Variants in FHIT observed in about 807,000 individuals in gnomAD.
FHIT encodes the protein fragile histidine triad diadenosine triphosphatase.
Under a neutral mutation model 17.9 loss-of-function variants are expected in FHIT, and 19 were observed. That is an observed-to-expected ratio of 1.06 (90% CI 0.74 to 1.56). The LOEUF (loss-of-function observed/expected upper bound fraction) is 1.56. Ranked by LOEUF, FHIT falls within the 40% of genes most tolerant of loss-of-function variation. The pLI is 0.00. For synonymous variants in FHIT, 81 were observed against 69.7 expected, an observed-to-expected ratio of 1.16 and a Z score of -0.81; for missense variants, 248 against 189.2, an observed-to-expected ratio of 1.31 and a Z score of -1.82.
chr3:60,306,151 G>A (rs971370607), intron 5 of FHIT, among the ~76,000 whole-genome samples: 1 of 152,076 alleles, frequency 6.6e-6, no homozygotes, highest in African/African-American at 2.4e-5. Context: ...TGTTGTGAAG[G>A]AAAACAAATA....
At chr3:60,028,990 T>C (rs1456417831) in intron 5 of FHIT, among the ~76,000 whole-genome samples, 1 of 152,176 alleles carries the variant, frequency 6.6e-6, no homozygotes, top group Non-Finnish European at 1.5e-5. Context: ...GTACTGTTAG[T>C]TGCAGGATAA....
chr3:59,969,242 T>C (rs2107376229), intron 7 of FHIT, among the ~76,000 whole-genome samples: 1 of 152,312 alleles, frequency 6.6e-6, no homozygotes, highest in East Asian at 1.9e-4. Context: ...TTCTTTCCTA[T>C]GGCAATCTCC....
chr3:59,946,111 TTGGGCAGTG>T (rs1432083133), intron 7 of FHIT, among the ~76,000 whole-genome samples: 6 of 152,234 alleles, frequency 3.9e-5, no homozygotes, highest in Non-Finnish European at 8.8e-5. Flanking sequence ...ATAAATTGCT[TTGGGCAGTG>T]TGGCCATTTT....
intron 5 of FHIT, among the ~76,000 whole-genome samples, chr3:60,407,094 T>G (rs1256907826): frequency 7.3e-6 from 1 of 136,788 alleles, no homozygotes; most frequent in Non-Finnish European, 1.6e-5. Flanking sequence ...TTTTTTTTTT[T>G]GCTTAAGCTA....
intron 3 of FHIT, among the ~76,000 whole-genome samples, chr3:60,837,121 T>G (rs1279860260): frequency 5.9e-5 from 9 of 152,132 alleles, no homozygotes; most frequent in African/African-American, 2.2e-4. Context: ...TGTCTCAAGA[T>G]TAGCCCCTGG....
At chr3:60,061,541 T>G (rs377003001) in intron 5 of FHIT, among the ~76,000 whole-genome samples, 1 of 152,234 alleles carries the variant, frequency 6.6e-6, no homozygotes, top group Non-Finnish European at 1.5e-5. Context: ...TTCGATTCCC[T>G]GTTTTGTCAG....
chr3:59,995,716 C>T (rs1348824570), intron 7 of FHIT, among the ~76,000 whole-genome samples: 1 of 152,072 alleles, frequency 6.6e-6, no homozygotes, highest in Admixed American at 6.6e-5. Context: ...CCACCCTAAA[C>T]CACACATACC....
intron 1 of FHIT, among the ~76,000 whole-genome samples, chr3:61,213,489 C>G (rs1412770992): frequency 6.6e-6 from 1 of 152,182 alleles, no homozygotes; most frequent in South Asian, 2.1e-4. Flanking sequence ...AATACAGGAG[C>G]ACCCAGATTC....
intron 8 of FHIT, among the ~76,000 whole-genome samples, chr3:59,904,998 G>C (rs73102585): frequency 0.051 from 7,832 of 152,312 alleles, 236 homozygotes; most frequent in South Asian, 0.082. Flanking sequence ...AATCAGAGGA[G>C]AGCTTACCAA....
intron 2 of FHIT, among the ~76,000 whole-genome samples, chr3:61,157,682 T>G (rs2037571352): frequency 6.6e-6 from 1 of 152,222 alleles, no homozygotes; most frequent in African/African-American, 2.4e-5. Flanking sequence ...TGTTTATGCC[T>G]TGTTCTGAGT....
intron 3 of FHIT, among the ~76,000 whole-genome samples, chr3:60,951,524 C>T (rs1708884862): frequency 6.6e-6 from 1 of 152,282 alleles, no homozygotes; most frequent in East Asian, 1.9e-4. Context: ...CACTGCCTAA[C>T]ATTGCTCAGC....
intron 7 of FHIT, among the ~76,000 whole-genome samples, chr3:60,006,127 C>T (rs535426130): frequency 2.4e-4 from 37 of 152,204 alleles, no homozygotes; most frequent in African/African-American, 8.9e-4. Flanking sequence ...TTTGTAACCG[C>T]GACTTACTCG....
chr3:60,036,538 AT>A (rs1254989052), intron 5 of FHIT, among the ~76,000 whole-genome samples: 1 of 152,126 alleles, frequency 6.6e-6, no homozygotes, highest in East Asian at 1.9e-4. Flanking sequence ...ATAAAACTTT[AT>A]TTTTTCTTAT....
At chr3:59,972,804 T>C (rs1486198928) in intron 7 of FHIT, among the ~76,000 whole-genome samples, 2 of 152,112 alleles carry the variant, frequency 1.3e-5, no homozygotes, top group Non-Finnish European at 2.9e-5. Flanking sequence ...ATTGGTTTTC[T>C]ACCTTGTCTC....
chr3:60,113,983 T>A (rs7641907), intron 5 of FHIT, among the ~76,000 whole-genome samples: 1 of 77,890 alleles, frequency 1.3e-5, no homozygotes, highest in South Asian at 4.6e-4. Flanking sequence ...GCCTGGGCAA[T>A]AGAACAAGAC....
At chr3:60,474,223 G>A (rs2033233954) in intron 5 of FHIT, among the ~76,000 whole-genome samples, 1 of 152,166 alleles carries the variant, frequency 6.6e-6, no homozygotes, top group African/African-American at 2.4e-5. Flanking sequence ...TTCTGGTATA[G>A]CAAAGCCTAA....
At chr3:60,377,096 A>G (rs1348502202) in intron 5 of FHIT, among the ~76,000 whole-genome samples, 1 of 152,202 alleles carries the variant, frequency 6.6e-6, no homozygotes, top group African/African-American at 2.4e-5. Flanking sequence ...TGACTGAAAT[A>G]TAAGCCCCTA....
rs773769854 is a variant in FHIT, at chr3:59,752,205, G to A, written c.*5+16C>T. 6.3e-6 allele frequency: 10 copies of A among 1,582,418 alleles called. No homozygotes were observed. The highest frequency in any genetic ancestry group is 5.1e-5 in the Admixed American group (3 of 59,034). On this transcript the variant is annotated intron_variant, in intron 9 of 9. Coordinates refer to ENST00000492590, the MANE Select transcript of FHIT (RefSeq NM_002012.4). ...CCCACGGGAGGGTCTGGGTAATGAC[G>A]AAATGCAGTCTTTACCTGTGTCACT...
intron 5 of FHIT, among the ~76,000 whole-genome samples, chr3:60,086,023 A>G (rs573606811): frequency 7.2e-5 from 11 of 152,326 alleles, no homozygotes; most frequent in Non-Finnish European, 1.0e-4. Flanking sequence ...TGATGGCTGG[A>G]AAGTTCAAGA....
Sources: allele counts gnomAD v4.1 joint callset (sites outside exome capture counted in the v4.1 genomes callset), GRCh38; gene constraint gnomAD v4.1.1; transcripts MANE v1.5; gene names NCBI Gene and HGNC (gene_info 2026-07-23, HGNC 2026-07-21).